The following TBX5 variants were observed in gnomAD, a reference collection of about 807,000 sequenced individuals.
TBX5 encodes T-box transcription factor TBX5.
TBX5 carries 8 observed loss-of-function variants against 51.1 expected under a neutral mutation model. The ratio of observed to expected loss-of-function variants is 0.16; its 90% CI spans 0.09 to 0.28. TBX5 has a LOEUF of 0.28. TBX5 is among the 10% of genes least tolerant of loss of function. TBX5 has a pLI of 1.00. For missense variants in TBX5, 589 were observed against 671.7 expected (o/e 0.88, Z 1.36); for synonymous variants, 302 against 266.4 (o/e 1.13, Z -1.30).
chr12:114,354,483 C>A lies in TBX5; in HGVS notation c.*1049G>T, dbSNP rs1868760350. ...GGCGAGATATCATTGGTGACTGTGTCTTGCCTCTTCTGTAGGAATTGTGCA... is the reference window on the plus strand; with the variant it reads ...GGCGAGATATCATTGGTGACTGTGTATTGCCTCTTCTGTAGGAATTGTGCA... On this transcript the variant is annotated 3_prime_UTR_variant, in exon 9 of 9. Transcript: ENST00000405440. 1 of 152,070 alleles carries A rather than the reference C, an allele frequency of 6.6e-6. No homozygotes were observed. Among genetic ancestry groups the A allele is most frequent in the Non-Finnish European group, 1.5e-5 (1 of 68,024 alleles). The allele number at this position is 152,070 out of a possible 1,614,324, so 9.4% of individuals were successfully genotyped here. A position where few individuals can be genotyped will look rare whatever the true frequency, so the allele number is the denominator to read the frequency against.
In TBX5 at chr12:114,355,666, C is replaced by T; in HGVS notation, c.1423G>A (p.Gly475Ser). The change falls in exon 9 of 9, where the codon GGC becomes AGC. Residue 475 changes from glycine to serine, a missense_variant. Around this residue, in one of 7 missense-constraint regions of TBX5, gnomAD observed 348 missense variants for 360.4 expected, o/e 0.97. Transcript: ENST00000405440. ...PVVRQCGPQTGLQSPGTLQPP... is the reference protein window; with the variant it reads ...PVVRQCGPQTSLQSPGTLQPP... Reference sequence around the variant, plus strand: ...TGAAGGGTGCCAGGGGACTGCAGGCCAGTCTGAGGCCCACACTGCCTGACC... The same window carrying T: ...TGAAGGGTGCCAGGGGACTGCAGGCTAGTCTGAGGCCCACACTGCCTGACC... The T allele has an allele frequency of 1.2e-6, 2 of 1,614,138 alleles. No individual in the cohort carries two copies. The highest frequency in any genetic ancestry group is 1.7e-6 in the Non-Finnish European group (2 of 1,180,024).
At position 114,355,571 on chromosome 12, in the gene TBX5, G is replaced by A. The variant is rs767955877; in HGVS notation, c.1518C>T (p.His506=). The part of the protein sequence containing the change: ...TLSPHQYHSV[H]GVGMVPEWSD... ...TCCACTCTGGCACCATGCCAACTCC[G>A]TGCACAGAGTGGTACTGATGAGGGG... Residue 506 remains histidine (H), a synonymous_variant, in exon 9 of 9, where the codon CAC becomes CAT. Transcript: ENST00000405440. 1.5e-5 allele frequency: 24 copies of A among 1,614,046 alleles called. No homozygotes were observed. The highest frequency in any genetic ancestry group is 3.3e-5 in the Admixed American group (2 of 60,008).
intron 6 of TBX5, among the ~76,000 whole-genome samples, chr12:114,388,877 C>T (rs1168279370): frequency 6.6e-6 from 1 of 151,656 alleles, no homozygotes; most frequent in African/African-American, 2.4e-5. Context: ...AGCCACCACA[C>T]CCAGCCCATT....
chr12:114,407,007 C>T, upstream of TBX5: 1 of 972,538 alleles, frequency 1.0e-6, no homozygotes, highest in South Asian at 4.8e-5. Flanking sequence ...TCCTGTACCC[C>T]CATCATACTG....
At chr12:114,406,689 GC>G (rs1414969581), upstream of TBX5, among the ~76,000 whole-genome samples, 1 of 152,076 alleles carries the variant, frequency 6.6e-6, no homozygotes, top group East Asian at 1.9e-4. Flanking sequence ...ATCGCTGCGG[GC>G]CCTCACCCCC....
intron 1 of TBX5, 91 bp from the exon 2 acceptor site, chr12:114,404,027 G>C: frequency 3.5e-6 from 5 of 1,410,398 alleles, no homozygotes; most frequent in Non-Finnish European, 3.9e-6. Flanking sequence ...TGACAGGAGG[G>C]AGCAGTTTGG....
In TBX5 at chr12:114,356,204, T is replaced by G. The variant is rs546488473; in HGVS notation, c.983-98A>C. 6 of 1,179,928 alleles carry G rather than the reference T, an allele frequency of 5.1e-6. No homozygotes were observed. The African/African-American group carries it at 7.5e-5, about 15-fold the overall frequency. 73.1% of individuals were successfully genotyped at this position (1,179,928 alleles called of 1,614,324 possible). On this transcript the variant is annotated intron_variant, in intron 8 of 8. Coordinates refer to ENST00000405440, the MANE Select transcript of TBX5 (RefSeq NM_181486.4). ...GGCCAAAGTACTGAAGAATAAGTCC[T>G]GAGAGACTGTTAGCCCTAACCGCCA...
At chr12:114,402,369 A>G (rs959894721) in intron 2 of TBX5, among the ~76,000 whole-genome samples, 1 of 152,232 alleles carries the variant, frequency 6.6e-6, no homozygotes, top group Admixed American at 6.5e-5. Flanking sequence ...AAAAACTAGG[A>G]ACCTAATCTA....
chr12:114,390,063 C>T (rs189754985), intron 6 of TBX5, among the ~76,000 whole-genome samples: 102 of 152,282 alleles, frequency 6.7e-4, no homozygotes, highest in African/African-American at 2.4e-3. Context: ...GTTACCCAAT[C>T]TTGCACTTAC....
Position 114,403,906 on chromosome 12 carries a change from C to T in TBX5, c.-8G>A. The T allele has an allele frequency of 6.2e-7, 1 of 1,610,804 alleles. No individual in the cohort carries two copies. Among genetic ancestry groups the T allele is most frequent in the South Asian group, 1.1e-5 (1 of 90,982 alleles). ...CTCGTCTGCGTCGGCCATGGTGCGC[C>T]CAGGGCCCTGTGCCCGCGCAAGGTT... On this transcript the variant is annotated 5_prime_UTR_variant, in exon 2 of 9. An upstream open reading frame in the 5' UTR gains an earlier in-frame stop. Transcript: ENST00000405440.
chr12:114,396,208 G>A (rs1198525003), intron 5 of TBX5, among the ~76,000 whole-genome samples: 2 of 151,876 alleles, frequency 1.3e-5, no homozygotes, highest in Non-Finnish European at 2.9e-5. Flanking sequence ...ACCCCGGGCC[G>A]CGCGTCTCTA....
intron 6 of TBX5, 62 bp downstream of exon 6, chr12:114,394,679 C>G: frequency 1.2e-6 from 2 of 1,610,128 alleles, no homozygotes; most frequent in Non-Finnish European, 1.7e-6. Context: ...GAAAACCTTG[C>G]AGATTCATGC....
At chr12:114,361,066 A>G (rs1009236754) in intron 8 of TBX5, among the ~76,000 whole-genome samples, 5 of 152,180 alleles carry the variant, frequency 3.3e-5, no homozygotes, top group African/African-American at 4.8e-5. Context: ...CACAGTGTCC[A>G]TTATACATTA....
chr12:114,403,147 G>A (rs1472612635), intron 2 of TBX5, among the ~76,000 whole-genome samples: 1 of 152,388 alleles, frequency 6.6e-6, no homozygotes, highest in East Asian at 1.9e-4. Flanking sequence ...CGAACCCGAG[G>A]CTCCTGGTGC....
At chr12:114,376,218 A>T (rs1565931548) in intron 7 of TBX5, among the ~76,000 whole-genome samples, 1 of 152,178 alleles carries the variant, frequency 6.6e-6, no homozygotes, top group Non-Finnish European at 1.5e-5. Flanking sequence ...ATATGGAATC[A>T]GCCTGAGTAT....
intron 8 of TBX5, among the ~76,000 whole-genome samples, chr12:114,364,227 G>A (rs551479417): frequency 3.9e-5 from 6 of 152,308 alleles, no homozygotes; most frequent in South Asian, 4.1e-4. Flanking sequence ...GGTTGTTAGC[G>A]AGTTATTTTT....
intron 5 of TBX5, among the ~76,000 whole-genome samples, chr12:114,397,804 A>G (rs1304594937): frequency 1.3e-5 from 2 of 152,232 alleles, no homozygotes; most frequent in South Asian, 4.1e-4. Context: ...CCCCGGGAGT[A>G]TCAAGCTAAA....
intron 2 of TBX5, among the ~76,000 whole-genome samples, chr12:114,403,207 G>A (rs933658110): frequency 1.3e-5 from 2 of 152,256 alleles, no homozygotes; most frequent in African/African-American, 4.8e-5. Context: ...TGGCGCGCCA[G>A]CCAGCCAGGC....
Position 114,405,651 on chromosome 12 carries a change from TCAC to T in TBX5, c.-65_-63del. On this transcript the variant is annotated 5_prime_UTR_variant, in exon 1 of 9. It introduces an in-frame stop codon into an upstream open reading frame of the 5' UTR. Coordinates refer to ENST00000405440, the MANE Select transcript of TBX5 (RefSeq NM_181486.4). ...ACCTCGTTCGGTGAAGCCGGTGCATTCACCACATCCTCTGCTGCTCCTAGCAGG... is the reference window on the plus strand; with the variant it reads ...ACCTCGTTCGGTGAAGCCGGTGCATTCACATCCTCTGCTGCTCCTAGCAGG... 1.0e-6 allele frequency: 1 copy of T among 970,088 alleles called. No homozygotes were observed. Among genetic ancestry groups the T allele is most frequent in the Non-Finnish European group, 1.2e-6 (1 of 815,980 alleles). 60.1% of individuals were successfully genotyped at this position (970,088 alleles called of 1,614,324 possible). A position where few individuals can be genotyped will look rare whatever the true frequency, so the allele number is the denominator to read the frequency against.
Sources: gnomAD v4.1 joint callset for allele counts (sites outside exome capture counted in the v4.1 genomes callset) on GRCh38, gnomAD v4.1.1 for gene constraint, gnomAD v4.1.1 regional missense constraint, MANE v1.5 for transcripts, NCBI Gene and HGNC (gene_info 2026-07-23, HGNC 2026-07-21) for gene names.